The following RPS6KA2 variants were observed in gnomAD, a reference collection of about 807,000 sequenced individuals.
RPS6KA2 encodes the protein ribosomal protein S6 kinase A2.
RPS6KA2 carries 42 observed loss-of-function variants against 91.8 expected under a neutral mutation model. The ratio of observed to expected loss-of-function variants is 0.46; its 90% CI spans 0.36 to 0.59. The LOEUF (loss-of-function observed/expected upper bound fraction) is 0.59. RPS6KA2 is among the 20% of genes least tolerant of loss of function. The pLI is 0.00. For missense variants in RPS6KA2, 798 were observed against 978.5 expected, an observed-to-expected ratio of 0.82 and a Z score of 2.46; for synonymous variants, 414 against 393.6, an observed-to-expected ratio of 1.05 and a Z score of -0.61.
intron 2 of RPS6KA2, among the ~76,000 whole-genome samples, chr6:166,692,462 A>G (rs922389581): frequency 1.3e-5 from 2 of 152,298 alleles, no homozygotes; most frequent in African/African-American, 4.8e-5. Flanking sequence ...ACAGAATAAC[A>G]CTGGACAGAG....
intron 1 of RPS6KA2, among the ~76,000 whole-genome samples, chr6:166,606,128 GT>G (rs1785946239): frequency 1.3e-5 from 2 of 152,324 alleles, no homozygotes; most frequent in South Asian, 4.1e-4. Context: ...CAAGGATGCA[GT>G]TCCAACTCCT....
intron 2 of RPS6KA2, among the ~76,000 whole-genome samples, chr6:166,661,434 G>C (rs1057437511): frequency 1.3e-5 from 2 of 152,166 alleles, no homozygotes; most frequent in Non-Finnish European, 2.9e-5. Context: ...GCATTTATTT[G>C]ATTAGTAGTC....
At chr6:166,687,544 T>C (rs1443912137) in intron 2 of RPS6KA2, among the ~76,000 whole-genome samples, 6 of 152,192 alleles carry the variant, frequency 3.9e-5, no homozygotes. Context: ...GGAGGGAAAA[T>C]TGTTGACTGA....
chr6:166,796,631 A>G (rs543801328), intron 2 of RPS6KA2, among the ~76,000 whole-genome samples: 2 of 152,364 alleles, frequency 1.3e-5, no homozygotes, highest in Non-Finnish European at 2.9e-5. Flanking sequence ...TTTCCTGAAG[A>G]AATCTATTGC....
intron 2 of RPS6KA2, among the ~76,000 whole-genome samples, chr6:166,632,323 C>T (rs1416700043): frequency 6.6e-6 from 1 of 152,174 alleles, no homozygotes; most frequent in Admixed American, 6.5e-5. Flanking sequence ...TTAAATTATG[C>T]AACTTTTGGC....
At chr6:166,469,111 T>A (rs1286340795) in intron 11 of RPS6KA2, among the ~76,000 whole-genome samples, 1 of 152,162 alleles carries the variant, frequency 6.6e-6, no homozygotes, top group Non-Finnish European at 1.5e-5. Flanking sequence ...CCGCGAGAAC[T>A]CCCTGTGTGG....
chr6:166,848,695 TAAGTTATGAG>T (rs1780664060), intron 2 of RPS6KA2, among the ~76,000 whole-genome samples: 1 of 151,586 alleles, frequency 6.6e-6, no homozygotes, highest in Admixed American at 6.6e-5. Flanking sequence ...AATTGGGAGC[TAAGTTATGAG>T]AACACGAAGG....
chr6:166,539,570 C>T (rs565471050), intron 1 of RPS6KA2, among the ~76,000 whole-genome samples: 1 of 152,292 alleles, frequency 6.6e-6, no homozygotes, highest in South Asian at 2.1e-4. Flanking sequence ...CATTGCCATC[C>T]TATAGATTAT....
chr6:166,642,254 G>A (rs922205630), intron 2 of RPS6KA2, among the ~76,000 whole-genome samples: 1 of 152,058 alleles, frequency 6.6e-6, no homozygotes, highest in Non-Finnish European at 1.5e-5. Context: ...TAATATATGC[G>A]ATGTGCTAAG....
At chr6:166,530,637 G>A (rs1783239286) in intron 3 of RPS6KA2, among the ~76,000 whole-genome samples, 1 of 152,254 alleles carries the variant, frequency 6.6e-6, no homozygotes, top group Non-Finnish European at 1.5e-5. Context: ...CAGTGAATAG[G>A]AGGTGATCAG....
chr6:166,762,446 C>T lies in RPS6KA2; in HGVS notation c.123+95754G>A, dbSNP rs1434354893. 2.6e-5 allele frequency among the ~76,000 whole-genome samples: 4 copies of T among 152,098 alleles called. No homozygotes were observed. The East Asian group carries it at 7.7e-4, about 29-fold the overall frequency. ...GACGGAATATGAAGTTCAAATTCCC[C>T]CACGGCACCTGGCGTAGTCCCTGGC... On this transcript the variant is annotated intron_variant, in intron 2 of 21. Coordinates refer to the RPS6KA2 transcript ENST00000503859.
chr6:166,420,366 C>T (rs1778679285), intron 17 of RPS6KA2, among the ~76,000 whole-genome samples: 1 of 152,180 alleles, frequency 6.6e-6, no homozygotes. Context: ...GAGCATTTCA[C>T]CTTCCCAAAC....
In RPS6KA2 at chr6:166,733,082, G is replaced by A. The variant is rs145683183; in HGVS notation, c.123+125118C>T. ...GCTTTCACGAGCCTAAGGGTGAGAT[G>A]CTCTGCCCCCTGTGGATCGAGCCTA... On this transcript the variant is annotated intron_variant, in intron 2 of 21. Transcript: ENST00000503859. This position sits in a 1 kb window ranked among gnomAD's most constrained non-coding sequence, Gnocchi z 4.1. 0.018 allele frequency among the ~76,000 whole-genome samples: 2,744 copies of A among 152,270 alleles called. 34 individuals are homozygous for A. Among genetic ancestry groups the A allele is most frequent in the Non-Finnish European group, 0.029 (1,997 of 68,020 alleles).
chr6:166,485,017 C>T (rs557167880), intron 10 of RPS6KA2, among the ~76,000 whole-genome samples: 3 of 152,216 alleles, frequency 2.0e-5, no homozygotes, highest in African/African-American at 7.2e-5. Context: ...ACCTGAGGCT[C>T]GAAGAACGAC....
intron 1 of RPS6KA2, among the ~76,000 whole-genome samples, chr6:166,621,105 C>T (rs1244494335): frequency 1.3e-5 from 2 of 152,350 alleles, no homozygotes; most frequent in African/African-American, 4.8e-5. Context: ...CGAATGGAAT[C>T]AGGTAGGGCT....
rs1346969389 is a variant in RPS6KA2 at position 166,445,683 on chromosome 6, C to T, written c.1332+3041G>A. Among the ~76,000 whole-genome samples, 2 of 152,178 alleles carry T rather than the reference C, an allele frequency of 1.3e-5. No homozygotes were observed. Among genetic ancestry groups the T allele is most frequent in the Admixed American group, 6.5e-5 (1 of 15,282 alleles). ...CTGCATTTCTCTTTCTGTCATTACTCGGTGGGGACATTTCTGGGTCATCCC... is the reference window on the plus strand; with the variant it reads ...CTGCATTTCTCTTTCTGTCATTACTTGGTGGGGACATTTCTGGGTCATCCC... On this transcript the variant is annotated intron_variant, in intron 14 of 20. Transcript: ENST00000265678. The surrounding 1 kb of genome is among the most constrained non-coding windows in gnomAD (Gnocchi z 4.5).
chr6:166,637,435 T>TGAGAGGAACAATGAGCC (rs940315375), intron 2 of RPS6KA2, among the ~76,000 whole-genome samples: 17 of 152,222 alleles, frequency 1.1e-4, no homozygotes, highest in African/African-American at 3.6e-4. Flanking sequence ...GCTCTGGCCC[T>TGAGAGGAACAATGAGCC]GAGAGGAACA....
chr6:166,428,412 A>G (rs570779997), intron 16 of RPS6KA2, among the ~76,000 whole-genome samples: 1 of 142,794 alleles, frequency 7.0e-6, no homozygotes, highest in East Asian at 2.0e-4. Context: ...TTCATGTCTA[A>G]AACACCAAAA....
At chr6:166,763,809 G>T (rs1324404950) in intron 2 of RPS6KA2, among the ~76,000 whole-genome samples, 1 of 152,180 alleles carries the variant, frequency 6.6e-6, no homozygotes, top group African/African-American at 2.4e-5. Context: ...ATAACCAACT[G>T]CAAACGATCC....
Sources: gnomAD v4.1 joint callset for allele counts (sites outside exome capture counted in the v4.1 genomes callset) on GRCh38, gnomAD v4.1.1 for gene constraint, Gnocchi (gnomAD v3.1) non-coding constraint, MANE v1.5 for transcripts, NCBI Gene and HGNC (gene_info 2026-07-23, HGNC 2026-07-21) for gene names.